PLEKHH1: variants seen among roughly 807,000 people sequenced by gnomAD.
The protein encoded by PLEKHH1 is pleckstrin homology domain-containing family H member 1.
In PLEKHH1, 104 loss-of-function variants were observed where a neutral mutation model predicts 160.0. That is an observed-to-expected ratio of 0.65 (90% CI 0.55 to 0.76). The LOEUF (loss-of-function observed/expected upper bound fraction) is 0.76, where lower values mean the gene tolerates loss of function less well. Among genes scored for constraint, PLEKHH1 ranks in the 30% least tolerant of loss-of-function variants. The pLI, the probability that PLEKHH1 is intolerant of heterozygous loss-of-function variation, is 0.00. For missense variants in PLEKHH1, 1,427 were observed against 1,724.1 expected (o/e 0.83, Z 3.05); for synonymous variants, 619 against 678.4 (o/e 0.91, Z 1.36).
intron 7 of PLEKHH1, among the ~76,000 whole-genome samples, chr14:67,565,451 C>G (rs2035045508): frequency 6.6e-6 from 1 of 152,042 alleles, no homozygotes; most frequent in African/African-American, 2.4e-5. Flanking sequence ...CCCTATGTTG[C>G]CCAGGCTAGT....
At chr14:67,557,449 C>T in intron 4 of PLEKHH1, 31 bp downstream of exon 4, 1 of 1,602,620 alleles carries the variant, frequency 6.2e-7, no homozygotes. Flanking sequence ...GAGCACCATG[C>T]CCTCTTCGAC....
rs896631136 is a variant in PLEKHH1 at position 67,585,603 on chromosome 14, G to A, written c.3735G>A (p.Val1245=). The A allele has an allele frequency of 3.8e-6, 6 of 1,585,096 alleles. No individual in the cohort carries two copies. Among genetic ancestry groups the A allele is most frequent in the Admixed American group, 1.8e-5 (1 of 56,244 alleles). Residue 1245 remains valine (V), a synonymous_variant, in exon 27 of 29, where the codon GTG becomes GTA. Transcript: ENST00000329153. ...AQLSSKENAL[V]WIAVNEDGVS... is the part of the protein sequence containing the mutation. ...TGTCTTCCAAGGAGAACGCTCTGGTGTGGATTGCTGTGAATGAGGATGGCG... is the reference window on the plus strand; with the variant it reads ...TGTCTTCCAAGGAGAACGCTCTGGTATGGATTGCTGTGAATGAGGATGGCG...
chr14:67,564,453 G>A (rs770746003), intron 7 of PLEKHH1, among the ~76,000 whole-genome samples: 1 of 152,114 alleles, frequency 6.6e-6, no homozygotes, highest in South Asian at 2.1e-4. Flanking sequence ...CGATGGGCAC[G>A]TGAGATCATT....
Position 67,582,373 on chromosome 14 carries a change from C to T in PLEKHH1, c.3426+163C>T, listed in dbSNP as rs1566764177. 8.2e-7 allele frequency: 1 copy of T among 1,218,154 alleles called. No individual in the cohort carries two copies. Among genetic ancestry groups the T allele is most frequent in the Non-Finnish European group, 1.2e-6 (1 of 867,852 alleles). The allele number at this position is 1,218,154 out of a possible 1,614,324, so 75.5% of individuals were successfully genotyped here. On this transcript the variant is annotated intron_variant, in intron 24 of 28. Coordinates refer to ENST00000329153, the MANE Select transcript of PLEKHH1 (RefSeq NM_020715.3). The surrounding 1 kb of genome is among the most constrained non-coding windows in gnomAD (Gnocchi z 5.0). Reference sequence around the variant, plus strand: ...AGCAGCTGACTTCTACAGATCAGAGCTCCTCACTCACCGCAGATATAGGAT... The same window carrying T: ...AGCAGCTGACTTCTACAGATCAGAGTTCCTCACTCACCGCAGATATAGGAT...
intron 1 of PLEKHH1, among the ~76,000 whole-genome samples, chr14:67,536,978 T>G (rs376021030): frequency 2.0e-5 from 3 of 150,506 alleles, no homozygotes; most frequent in African/African-American, 7.4e-5. Context: ...AGGCGGAGGT[T>G]GCAGTGAGCC....
intron 2 of PLEKHH1, among the ~76,000 whole-genome samples, chr14:67,549,273 A>AT (rs113718534): frequency 0.012 from 1,726 of 139,852 alleles, 23 homozygotes; most frequent in African/African-American, 0.036. Flanking sequence ...GAGATTTTTA[A>AT]TTTTTTTTTT....
intron 2 of PLEKHH1, among the ~76,000 whole-genome samples, chr14:67,553,902 C>T (rs2034493442): frequency 1.3e-5 from 2 of 152,112 alleles, no homozygotes; most frequent in South Asian, 2.1e-4. Context: ...GTAGTGTTAC[C>T]GCAAGAGAGG....
At position 67,578,994 on chromosome 14, in the gene PLEKHH1, C is replaced by T. The variant is rs1299245813; in HGVS notation, c.2850-140C>T. The T allele has an allele frequency of 6.1e-6, 4 of 658,524 alleles. No individual in the cohort carries two copies. The Admixed American group carries it at 1.1e-4, about 19-fold the overall frequency. The allele number at this position is 658,524 out of a possible 1,614,324, so 40.8% of individuals were successfully genotyped here. A position where few individuals can be genotyped will look rare whatever the true frequency, so the allele number is the denominator to read the frequency against. On this transcript the variant is annotated intron_variant, in intron 20 of 28. Transcript: ENST00000329153. The surrounding 1 kb of genome is among the most constrained non-coding windows in gnomAD (Gnocchi z 5.0). ...GGTCCTGAATGACAAATTAATGTCC[C>T]AGACCAGAGTCTTCAGGGCTTTTCT...
chr14:67,579,686 G>A (rs1200954947), intron 21 of PLEKHH1, 35 bp from the exon 22 acceptor site: 1 of 1,603,244 alleles, frequency 6.2e-7, no homozygotes, highest in Non-Finnish European at 8.5e-7. Flanking sequence ...CTCTCAGGAG[G>A]TTCACTCAGG....
In PLEKHH1 at chr14:67,579,850, G is replaced by A. The variant is rs1735051642; in HGVS notation, c.3157G>A (p.Glu1053Lys). 6.2e-7 allele frequency: 1 copy of A among 1,605,174 alleles called. No individual in the cohort carries two copies. The highest frequency in any genetic ancestry group is 8.5e-7 in the Non-Finnish European group (1 of 1,176,018). ...FTDDPSGRDL[E>K]HCLQGSVKIC... is the part of the protein sequence containing the mutation. ...GGACGATCCCTCGGGCAGGGACCTG[G>A]AGCACTGCCTGCAGGGAAGTGTCAA... The change falls in exon 22 of 29, where the codon GAG (glutamate) becomes AAG (lysine). Residue 1053 changes from glutamate to lysine, a missense_variant. Around this residue, in one of 6 missense-constraint regions of PLEKHH1, gnomAD observed 436 missense variants for 607.5 expected, o/e 0.72. Coordinates refer to ENST00000329153, the MANE Select transcript of PLEKHH1 (RefSeq NM_020715.3).
rs2034641682 is a variant in PLEKHH1 at position 67,557,462 on chromosome 14, C to T, written c.339+44C>T. 1.9e-6 allele frequency: 3 copies of T among 1,580,900 alleles called. No homozygotes were observed. The Admixed American group carries it at 5.1e-5, about 27-fold the overall frequency. On this transcript the variant is annotated intron_variant, in intron 4 of 28. Coordinates refer to ENST00000329153, the MANE Select transcript of PLEKHH1 (RefSeq NM_020715.3). ...GGGAGCACCATGCCCTCTTCGACAT[C>T]TGTACTGCTGGCCCCCAGCTTCCTG...
At chr14:67,546,832 C>T (rs1030087774) in intron 2 of PLEKHH1, among the ~76,000 whole-genome samples, 1 of 152,196 alleles carries the variant, frequency 6.6e-6, no homozygotes, top group East Asian at 1.9e-4. Flanking sequence ...CACTACACTC[C>T]AGCCTGGGTG....
chr14:67,581,108 C>A (rs531270583), intron 23 of PLEKHH1, 70 bp downstream of exon 23: 1 of 938,086 alleles, frequency 1.1e-6, no homozygotes, highest in Non-Finnish European at 1.8e-6. Flanking sequence ...ATCGCCTCCT[C>A]GACTAGACAG....
chr14:67,585,988 C>T lies in PLEKHH1; in HGVS notation c.3824C>T (p.Thr1275Met), dbSNP rs769141639. ...ACTTACCCCTACTCTTCAGTGACAA[C>T]GTTTGGTGGCTGCAGGGATGACTTC... is the stretch of plus-strand genomic sequence containing the variant. Reference protein sequence around the residue: ...HITYPYSSVTTFGGCRDDFML... With the variant: ...HITYPYSSVTMFGGCRDDFML... Residue 1275 changes from threonine (T) to methionine (M), a missense_variant, in exon 28 of 29, where the codon ACG (threonine) becomes ATG (methionine). By Grantham distance (81) the Thr-to-Met change is moderately conservative. Coordinates refer to ENST00000329153, the MANE Select transcript of PLEKHH1 (RefSeq NM_020715.3). The T allele has an allele frequency of 1.2e-5, 20 of 1,613,846 alleles. No individual in the cohort carries two copies. The highest frequency in any genetic ancestry group is 1.7e-4 in the Middle Eastern group (1 of 6,050).
In PLEKHH1 at chr14:67,569,194, C is replaced by G. The variant is rs1281661160; in HGVS notation, c.1320C>G (p.Pro440=). The G allele has an allele frequency of 6.2e-7, 1 of 1,612,322 alleles. No individual in the cohort carries two copies. Among genetic ancestry groups the G allele is most frequent in the South Asian group, 1.1e-5 (1 of 91,044 alleles). Residue 440 remains proline (P), a synonymous_variant, in exon 8 of 29, where the codon CCC becomes CCG. Transcript: ENST00000329153. ...GCATGCGGCTCTCAGATATGTCTCC[C>G]AGAAGTAATACTGCATGCTGCGGTG... The part of the protein sequence containing the change: ...TSGMRLSDMS[P]RSNTACCASS...
chr14:67,576,857 G>A lies in PLEKHH1; in HGVS notation c.2461+354G>A, dbSNP rs1163442957. 2.0e-5 allele frequency among the ~76,000 whole-genome samples: 3 copies of A among 152,172 alleles called. No individual in the cohort carries two copies. Among genetic ancestry groups the A allele is most frequent in the Admixed American group, 1.3e-4 (2 of 15,282 alleles). Reference sequence around the variant, plus strand: ...AATCAACAAGTGAAGCCTAAATTGGGATCGGACTAACCTGTTTGGAGTCTT... The same window carrying A: ...AATCAACAAGTGAAGCCTAAATTGGAATCGGACTAACCTGTTTGGAGTCTT... On this transcript the variant is annotated intron_variant, in intron 17 of 28. Transcript: ENST00000329153. This position sits in a 1 kb window ranked among gnomAD's most constrained non-coding sequence, Gnocchi z 4.0.
At position 67,562,023 on chromosome 14, in the gene PLEKHH1, G is replaced by T. The variant is rs2034859448; in HGVS notation, c.493G>T (p.Asp165Tyr). The T allele has an allele frequency of 1.2e-6, 2 of 1,613,858 alleles. No individual in the cohort carries two copies. Among genetic ancestry groups the T allele is most frequent in the African/African-American group, 1.3e-5 (1 of 75,048 alleles). The change falls in exon 6 of 29, where the codon GAT becomes TAT. Residue 165 changes from aspartate (D) to tyrosine (Y), a missense_variant. By Grantham distance (160) the Asp-to-Tyr change is radical. Coordinates refer to ENST00000329153, the MANE Select transcript of PLEKHH1 (RefSeq NM_020715.3). ...GGTGGAGCAGGTGGGATCCCTTCAA[G>T]ATGCGCTAGAAGGTAGGCAGGCCAG... ...RLVEQVGSLQ[D>Y]ALEAIQIAPS... is the part of the protein sequence containing the mutation.
chr14:67,566,087 C>T (rs1395859279), intron 7 of PLEKHH1, among the ~76,000 whole-genome samples: 4 of 152,230 alleles, frequency 2.6e-5, no homozygotes, highest in Non-Finnish European at 5.9e-5. Context: ...CCACTGCACT[C>T]CAGCCTGGGC....
chr14:67,579,385 C>A, intron 21 of PLEKHH1, 74 bp downstream of exon 21: 1 of 1,239,082 alleles, frequency 8.1e-7, no homozygotes, highest in Non-Finnish European at 1.1e-6. Flanking sequence ...GGGCCTTAGG[C>A]TCAGGCTTGG....
Sources: gnomAD v4.1 joint callset for allele counts (sites outside exome capture counted in the v4.1 genomes callset) on GRCh38, gnomAD v4.1.1 for gene constraint, gnomAD v4.1.1 regional missense constraint, Gnocchi (gnomAD v3.1) non-coding constraint, MANE v1.5 for transcripts, NCBI Gene and HGNC (gene_info 2026-07-23, HGNC 2026-07-21) for gene names.